Variants in ERC1 observed in about 807,000 individuals in gnomAD.
ERC1 encodes RAB6 interacting protein 2.
ERC1 carries 56 observed loss-of-function variants against 132.0 expected under a neutral mutation model. The observed-to-expected ratio is 0.42, with a 90% CI of 0.34 to 0.53. ERC1 has a LOEUF of 0.53. Ranked by LOEUF, ERC1 falls within the 20% of genes least tolerant of loss-of-function variation. The pLI, the probability that ERC1 is intolerant of heterozygous loss-of-function variation, is 0.03. For synonymous variants in ERC1, 478 were observed against 476.1 expected (o/e 1.00, Z -0.05); for missense variants, 1,202 against 1,349.9 (o/e 0.89, Z 1.72).
chr12:1,109,179 C>G (rs1945578585), intron 4 of ERC1, among the ~76,000 whole-genome samples: 1 of 152,090 alleles, frequency 6.6e-6, no homozygotes, highest in South Asian at 2.1e-4. Flanking sequence ...TGGGGAGAAA[C>G]TAGGTACTGC....
chr12:1,333,477 C>T (rs1237714710), intron 15 of ERC1, among the ~76,000 whole-genome samples: 2 of 151,988 alleles, frequency 1.3e-5, no homozygotes, highest in African/African-American at 2.4e-5. Context: ...AGATTACAGG[C>T]ACGTGCCACC....
At chr12:1,390,799 G>A (rs1566749170) in intron 16 of ERC1, 1 of 152,188 alleles carries the variant, frequency 6.6e-6, no homozygotes, top group African/African-American at 2.4e-5. Flanking sequence ...AGTTGATTGA[G>A]TTGAGGTCTG....
intron 12 of ERC1, among the ~76,000 whole-genome samples, chr12:1,225,921 AG>A: frequency 6.6e-6 from 1 of 152,198 alleles, no homozygotes; most frequent in Non-Finnish European, 1.5e-5. Flanking sequence ...CTTAATTTTG[AG>A]AAAAAGCAAT....
intron 17 of ERC1, among the ~76,000 whole-genome samples, chr12:1,413,169 A>G (rs2091936147): frequency 6.6e-6 from 1 of 152,200 alleles, no homozygotes; most frequent in African/African-American, 2.4e-5. Flanking sequence ...ATTGTATGAC[A>G]TTTAGTCAGT....
intron 12 of ERC1, among the ~76,000 whole-genome samples, chr12:1,192,982 C>T (rs1196021378): frequency 6.6e-6 from 1 of 152,136 alleles, no homozygotes; most frequent in Non-Finnish European, 1.5e-5. Flanking sequence ...GTAGATTCAG[C>T]ATGTAGAATT....
chr12:1,165,319 T>G (rs1435430842), intron 8 of ERC1, among the ~76,000 whole-genome samples: 1 of 152,020 alleles, frequency 6.6e-6, no homozygotes, highest in African/African-American at 2.4e-5. Flanking sequence ...TTTTTTTTTT[T>G]TTTTGAGATG....
chr12:1,120,716 C>G (rs1033560817), intron 7 of ERC1, among the ~76,000 whole-genome samples: 35 of 152,148 alleles, frequency 2.3e-4, no homozygotes, highest in African/African-American at 8.2e-4. Context: ...AGGTTTTTCC[C>G]CTTCTCCAGG....
At chr12:1,247,707 G>A (rs1205832068) in intron 13 of ERC1, among the ~76,000 whole-genome samples, 1 of 152,148 alleles carries the variant, frequency 6.6e-6, no homozygotes, top group Non-Finnish European at 1.5e-5. Flanking sequence ...TAGGAATGTA[G>A]CTGATCAGGC....
intron 8 of ERC1, among the ~76,000 whole-genome samples, chr12:1,169,725 CTCA>C (rs1952848359): frequency 1.3e-5 from 2 of 152,144 alleles, no homozygotes; most frequent in African/African-American, 2.4e-5. Flanking sequence ...AGTGAAACAT[CTCA>C]TCATATTTCC....
chr12:1,468,785 A>G (rs1242960948), intron 18 of ERC1, among the ~76,000 whole-genome samples: 1 of 152,260 alleles, frequency 6.6e-6, no homozygotes, highest in African/African-American at 2.4e-5. Context: ...TTTAGAAATC[A>G]TCTAATCTCC....
chr12:1,313,424 G>A (rs1057202240), intron 15 of ERC1, among the ~76,000 whole-genome samples: 5 of 152,130 alleles, frequency 3.3e-5, no homozygotes, highest in Middle Eastern at 6.8e-3. Context: ...TGATGGAGTG[G>A]ATGGATATTA....
intron 14 of ERC1, among the ~76,000 whole-genome samples, chr12:1,265,897 T>G (rs1297916117): frequency 6.6e-6 from 1 of 152,240 alleles, no homozygotes; most frequent in Non-Finnish European, 1.5e-5. Context: ...TCTCTTTATC[T>G]CTGAATGATA....
At chr12:1,364,967 T>G (rs1299461951) in intron 15 of ERC1, among the ~76,000 whole-genome samples, 2 of 152,324 alleles carry the variant, frequency 1.3e-5, no homozygotes, top group Admixed American at 1.3e-4. Flanking sequence ...TTCCCCTGCT[T>G]TAGTAACAAT....
chr12:1,464,613 G>C (rs1044768279), intron 18 of ERC1, among the ~76,000 whole-genome samples: 4 of 135,448 alleles, frequency 3.0e-5, no homozygotes, highest in Non-Finnish European at 4.6e-5. Flanking sequence ...TCCCCCTCCC[G>C]AGTTCAAGCA....
intron 12 of ERC1, among the ~76,000 whole-genome samples, chr12:1,202,380 G>A (rs1360913376): frequency 6.6e-6 from 1 of 152,096 alleles, no homozygotes; most frequent in East Asian, 1.9e-4. Flanking sequence ...CAGTTTAGCC[G>A]GACGTGGTGG....
At chr12:1,134,457 C>T (rs1262482152) in intron 7 of ERC1, among the ~76,000 whole-genome samples, 13 of 151,794 alleles carry the variant, frequency 8.6e-5, no homozygotes, top group Admixed American at 8.5e-4. Flanking sequence ...AGCGATCTTC[C>T]TGCTTCAGCC....
rs72073964 is a variant in ERC1, at chr12:994,066, C to CAAA, written c.-157+2771_-157+2773dup. Among the ~76,000 whole-genome samples, 531 of 64,234 alleles carry CAAA rather than the reference C, an allele frequency of 8.3e-3. 48 individuals are homozygous for CAAA. Among genetic ancestry groups the CAAA allele is most frequent in the Middle Eastern group, 0.027 (2 of 74 alleles). The allele number at this position is 64,234 out of a possible 152,430, so 42.1% of individuals were successfully genotyped here. ...CCTGAGTCACGGCAAAACTCCGTCT[C>CAAA]AAAAAAAAAAAAAAAAAAAAAAAAA... On this transcript the variant is annotated intron_variant, in intron 1 of 18. Transcript: ENST00000360905.
At chr12:1,068,160 G>T (rs1939603945) in intron 2 of ERC1, among the ~76,000 whole-genome samples, 1 of 151,970 alleles carries the variant, frequency 6.6e-6, no homozygotes, top group South Asian at 2.1e-4. Context: ...TCGAACTCCT[G>T]ACTTTGTGAT....
intron 3 of ERC1, among the ~76,000 whole-genome samples, chr12:1,093,934 TC>T (rs1444333706): frequency 1.8e-5 from 2 of 108,382 alleles, no homozygotes; most frequent in Non-Finnish European, 4.1e-5. Context: ...TGTATATTTT[TC>T]TATATAAATA....
Sources: allele counts gnomAD v4.1 joint callset (sites outside exome capture counted in the v4.1 genomes callset), GRCh38; gene constraint gnomAD v4.1.1; transcripts MANE v1.5; gene names NCBI Gene and HGNC (gene_info 2026-07-23, HGNC 2026-07-21).